Variants in ADAMTS19 observed in about 807,000 individuals in gnomAD.
ADAMTS19 encodes the protein ADAM metallopeptidase with thrombospondin type 1 motif 19, also known as A disintegrin and metalloproteinase with thrombospondin motifs 19.
A neutral mutation model predicts 153.3 loss-of-function variants in ADAMTS19; 93 were observed. The observed-to-expected ratio is 0.61, with a 90% confidence interval of 0.51 to 0.72. ADAMTS19 has a LOEUF of 0.72. Among genes scored for constraint, ADAMTS19 ranks in the 30% least tolerant of loss-of-function variants. ADAMTS19 has a pLI of 0.00. For synonymous variants in ADAMTS19, 600 were observed against 556.6 expected, an observed-to-expected ratio of 1.08 and a Z score of -1.10; for missense variants, 1,482 against 1,552.1, an observed-to-expected ratio of 0.95 and a Z score of 0.76.
intron 21 of ADAMTS19, among the ~76,000 whole-genome samples, chr5:129,710,962 C>T (rs1196613431): frequency 6.6e-6 from 1 of 152,056 alleles, no homozygotes; most frequent in Non-Finnish European, 1.5e-5. Context: ...TTTCTTGCTG[C>T]CCCAGGGCTA....
chr5:129,709,801 C>G (rs910834348), intron 21 of ADAMTS19, among the ~76,000 whole-genome samples: 11 of 152,232 alleles, frequency 7.2e-5, no homozygotes, highest in Non-Finnish European at 4.4e-5. Context: ...GCAGTCAATA[C>G]AAGTGACTTG....
At chr5:129,661,194 T>C (rs918832177) in intron 15 of ADAMTS19, among the ~76,000 whole-genome samples, 4 of 152,218 alleles carry the variant, frequency 2.6e-5, no homozygotes, top group Non-Finnish European at 5.9e-5. Flanking sequence ...TATAATTTTA[T>C]GTTCACTTGT....
At chr5:129,525,491 G>C (rs1238455546) in intron 3 of ADAMTS19, among the ~76,000 whole-genome samples, 1 of 151,918 alleles carries the variant, frequency 6.6e-6, no homozygotes, top group Admixed American at 6.6e-5. Context: ...TTTTCAATTA[G>C]ACTGTCATTG....
At chr5:129,686,155 C>T (rs1755078080) in intron 18 of ADAMTS19, among the ~76,000 whole-genome samples, 3 of 152,070 alleles carry the variant, frequency 2.0e-5, no homozygotes, top group Admixed American at 6.6e-5. Flanking sequence ...TGTATGTTAC[C>T]TTCTAGCAAT....
chr5:129,591,178 C>A (rs1196148566), intron 7 of ADAMTS19, among the ~76,000 whole-genome samples: 1 of 152,192 alleles, frequency 6.6e-6, no homozygotes, highest in African/African-American at 2.4e-5. Context: ...TCTCTCAAAG[C>A]CTTTCCTGCT....
chr5:129,651,787 C>A (rs1753327765), intron 13 of ADAMTS19, among the ~76,000 whole-genome samples: 1 of 152,190 alleles, frequency 6.6e-6, no homozygotes, highest in Admixed American at 6.5e-5. Flanking sequence ...CCTAGTGTAT[C>A]ATCTACTGTA....
At chr5:129,675,713 T>C (rs1361792980) in intron 16 of ADAMTS19, among the ~76,000 whole-genome samples, 1 of 152,188 alleles carries the variant, frequency 6.6e-6, no homozygotes, top group East Asian at 1.9e-4. Flanking sequence ...TTATTGTGCA[T>C]ACTGAACATA....
At position 129,608,086 on chromosome 5, in the gene ADAMTS19, A is replaced by ATGTGTGTGTGTG. The variant is rs1360467704; in HGVS notation, c.1478+11423_1478+11424insGTGTGTGTGTGT. On this transcript the variant is annotated intron_variant, in intron 8 of 22. Coordinates refer to ENST00000274487, the MANE Select transcript of ADAMTS19 (RefSeq NM_133638.6). ...ATTCATTATATAATTGGAATTTTAT[A>ATGTGTGTGTGTG]TATATGTGTGTGTGTGTGTGTGTGT... 2.3e-4 allele frequency among the ~76,000 whole-genome samples: 13 copies of ATGTGTGTGTGTG among 57,234 alleles called. 2 individuals carry two copies. The highest frequency in any genetic ancestry group is 3.0e-4 in the Non-Finnish European group (9 of 30,046). The allele number at this position is 57,234 out of a possible 152,430, so 37.5% of individuals were successfully genotyped here.
chr5:129,708,390 C>T (rs573569312), intron 21 of ADAMTS19, among the ~76,000 whole-genome samples: 1 of 152,132 alleles, frequency 6.6e-6, no homozygotes, highest in African/African-American at 2.4e-5. Flanking sequence ...GAGAAAAGAA[C>T]ATTACACACA....
intron 7 of ADAMTS19, among the ~76,000 whole-genome samples, chr5:129,555,074 T>G (rs1329937524): frequency 6.6e-6 from 1 of 152,148 alleles, no homozygotes; most frequent in Non-Finnish European, 1.5e-5. Flanking sequence ...CTCTTTTATC[T>G]ATAACCGATG....
At chr5:129,597,688 C>T (rs999329468) in intron 8 of ADAMTS19, among the ~76,000 whole-genome samples, 1 of 152,066 alleles carries the variant, frequency 6.6e-6, no homozygotes, top group Admixed American at 6.6e-5. Context: ...GGGCGGATCA[C>T]GAGATCAAGA....
At chr5:129,509,333 C>CTTAT (rs147135311) in intron 3 of ADAMTS19, 91 bp downstream of exon 3, 88,698 of 1,161,512 alleles carry the variant, frequency 0.076, 4,986 homozygotes, top group African/African-American at 0.27. Context: ...ACTAGCTTTA[C>CTTAT]TTATTTTTAA....
rs1753639822 is a variant in ADAMTS19, at chr5:129,658,309, A to AAAAGAAAGAAAGAAAGAAAAAGAAAG, written c.2305-289_2305-288insAAGAAAGAAAGAAAGAAAGAAAGAAA. Among the ~76,000 whole-genome samples, 91 of 113,670 alleles carry AAAAGAAAGAAAGAAAGAAAAAGAAAG rather than the reference A, an allele frequency of 8.0e-4. 1 individual carries two copies. Among genetic ancestry groups the AAAAGAAAGAAAGAAAGAAAAAGAAAG allele is most frequent in the Middle Eastern group, 4.8e-3 (1 of 210 alleles). 74.6% of individuals were successfully genotyped at this position (113,670 alleles called of 152,430 possible). On this transcript the variant is annotated intron_variant, in intron 14 of 22. Coordinates refer to ENST00000274487, the MANE Select transcript of ADAMTS19 (RefSeq NM_133638.6). ...TGAAAGAAAAAGAAAGAAAGAAAGA[A>AAAAGAAAGAAAGAAAGAAAAAGAAAG]AAAGAAAGAAAGAAAGAAAGAAAGA... is the stretch of plus-strand genomic sequence containing the variant.
At chr5:129,675,383 C>T (rs1272913849) in intron 16 of ADAMTS19, among the ~76,000 whole-genome samples, 2 of 152,116 alleles carry the variant, frequency 1.3e-5, no homozygotes, top group Non-Finnish European at 2.9e-5. Flanking sequence ...GTTACACATA[C>T]GTTACTCTAC....
intron 7 of ADAMTS19, among the ~76,000 whole-genome samples, chr5:129,568,997 T>A (rs1326694421): frequency 6.6e-6 from 1 of 152,084 alleles, no homozygotes. Flanking sequence ...ATATAAATAG[T>A]TTGAACACGC....
intron 12 of ADAMTS19, 26 bp downstream of exon 12, chr5:129,647,921 G>A (rs1753140801): frequency 6.3e-7 from 1 of 1,593,868 alleles, no homozygotes; most frequent in Non-Finnish European, 8.6e-7. Flanking sequence ...CTGGTTGGGG[G>A]AGGGCACTTT....
intron 8 of ADAMTS19, among the ~76,000 whole-genome samples, chr5:129,615,087 G>A (rs1003594718): frequency 2.6e-5 from 4 of 151,856 alleles, no homozygotes; most frequent in East Asian, 3.9e-4. Flanking sequence ...GGAAGAATCA[G>A]TATCGTGAAA....
chr5:129,480,118 A>G (rs988876780), intron 2 of ADAMTS19, among the ~76,000 whole-genome samples: 6 of 152,160 alleles, frequency 3.9e-5, no homozygotes, highest in African/African-American at 9.6e-5. Flanking sequence ...GGAACATAAG[A>G]CGGAATCCAG....
chr5:129,622,306 G>C lies in ADAMTS19; in HGVS notation c.1728G>C (p.Gln576His). Residue 576 changes from glutamine (Q) to histidine (H), a missense_variant, in exon 10 of 23, where the codon CAG becomes CAC. Coordinates refer to ENST00000274487, the MANE Select transcript of ADAMTS19 (RefSeq NM_133638.6). ...CATACACTGCTGATGAACAATGCCA[G>C]ATCCTTTTTGGGCCATTGGCTTCTT... ...GMTYTADEQC[Q>H]ILFGPLASFC... 2 of 1,614,088 alleles carry C rather than the reference G, an allele frequency of 1.2e-6. No homozygotes were observed. Among genetic ancestry groups the C allele is most frequent in the Non-Finnish European group, 8.5e-7 (1 of 1,179,990 alleles).
Sources: allele counts gnomAD v4.1 joint callset (sites outside exome capture counted in the v4.1 genomes callset), GRCh38; gene constraint gnomAD v4.1.1; transcripts MANE v1.5; gene names NCBI Gene and HGNC (gene_info 2026-07-23, HGNC 2026-07-21).